The following DTD1 variants were observed in gnomAD, a reference collection of about 807,000 sequenced individuals.
The protein encoded by DTD1 is D-aminoacyl-tRNA deacylase 1.
A neutral mutation model predicts 25.6 loss-of-function variants in DTD1; 13 were observed. That is an observed-to-expected ratio of 0.51 (90% CI 0.33 to 0.81). DTD1 has a LOEUF of 0.81. Ranked by LOEUF, DTD1 falls within the 30% of genes least tolerant of loss-of-function variation. The pLI, the probability that DTD1 is intolerant of heterozygous loss-of-function variation, is 0.02. For missense variants in DTD1, 193 were observed against 266.4 expected, an observed-to-expected ratio of 0.72 and a Z score of 1.92; for synonymous variants, 110 against 103.6, an observed-to-expected ratio of 1.06 and a Z score of -0.37.
intron 4 of DTD1, among the ~76,000 whole-genome samples, chr20:18,689,208 C>T (rs1262028837): frequency 3.3e-5 from 5 of 152,122 alleles, no homozygotes; most frequent in Non-Finnish European, 7.3e-5. Context: ...AGTCTGAGGC[C>T]AGAGTTGCCT....
At position 18,631,333 on chromosome 20, in the gene DTD1, C is replaced by G. The variant is rs2060786877; in HGVS notation, c.477+3100C>G. ...TAGAGCATAAAACGAAAGGTGGGGC[C>G]CCTCTGAAGATGGGGCCTGTGTGAC... On this transcript the variant is annotated intron_variant, in intron 4 of 5. Coordinates refer to ENST00000377452, the MANE Select transcript of DTD1 (RefSeq NM_080820.6). 5 of 985,220 alleles carry G rather than the reference C, an allele frequency of 5.1e-6. No individual in the cohort carries two copies. The Admixed American group carries it at 3.1e-4, about 61-fold the overall frequency. 61.0% of individuals were successfully genotyped at this position (985,220 alleles called of 1,614,324 possible).
At chr20:18,634,114 TTATTA>T (rs1176275863) in intron 4 of DTD1, among the ~76,000 whole-genome samples, 1 of 152,248 alleles carries the variant, frequency 6.6e-6, no homozygotes, top group Non-Finnish European at 1.5e-5. Context: ...ATCCTGCTTA[TTATTA>T]CCTAGTGCAT....
intron 4 of DTD1, among the ~76,000 whole-genome samples, chr20:18,629,922 G>T (rs2060777458): frequency 6.6e-6 from 1 of 151,936 alleles, no homozygotes; most frequent in African/African-American, 2.4e-5. Flanking sequence ...CAGCAAGGGG[G>T]AAGTCTACCC....
chr20:18,611,642 G>T (rs1420050589), intron 3 of DTD1, among the ~76,000 whole-genome samples: 1 of 152,080 alleles, frequency 6.6e-6, no homozygotes, highest in East Asian at 1.9e-4. Flanking sequence ...CACCCATGCG[G>T]TTAGGGACAT....
At chr20:18,702,973 G>A (rs6045564) in intron 4 of DTD1, among the ~76,000 whole-genome samples, 150,050 of 152,278 alleles carry the variant, frequency 0.99, 73,946 homozygotes, top group East Asian at 1. Flanking sequence ...TCCTTTCACT[G>A]TCCTGCTGGG....
chr20:18,736,882 G>C (rs1024237157), intron 4 of DTD1, among the ~76,000 whole-genome samples: 1 of 152,028 alleles, frequency 6.6e-6, no homozygotes, highest in African/African-American at 2.4e-5. Context: ...AACCTGTCCT[G>C]TCCATTCATT....
chr20:18,649,326 CTTTTTTTTTTTTTTTTT>C (rs55766733), intron 4 of DTD1, among the ~76,000 whole-genome samples: 3 of 57,628 alleles, frequency 5.2e-5, no homozygotes, highest in Non-Finnish European at 9.3e-5. Context: ...ATTCATCTTT[CTTTTTTTTTTTTTTTTT>C]TTTTTTTTTT....
chr20:18,619,827 T>C (rs999939367), intron 3 of DTD1, among the ~76,000 whole-genome samples: 1 of 152,222 alleles, frequency 6.6e-6, no homozygotes, highest in Non-Finnish European at 1.5e-5. Context: ...CTTATCTTTT[T>C]CTTCAGGTAT....
chr20:18,729,044 C>T (rs541741217), intron 4 of DTD1, among the ~76,000 whole-genome samples: 4 of 152,244 alleles, frequency 2.6e-5, no homozygotes, highest in Non-Finnish European at 5.9e-5. Flanking sequence ...CACTCTGTTG[C>T]CCAGGCTAGA....
At chr20:18,606,016 G>A (rs1302790926) in intron 3 of DTD1, among the ~76,000 whole-genome samples, 15 of 142,120 alleles carry the variant, frequency 1.1e-4, no homozygotes, top group African/African-American at 3.7e-4. Context: ...GAAAATTTTC[G>A]CAACCTACTC....
chr20:18,701,025 A>C (rs1306991562), intron 4 of DTD1, among the ~76,000 whole-genome samples: 2 of 152,230 alleles, frequency 1.3e-5, no homozygotes, highest in Non-Finnish European at 2.9e-5. Context: ...ACTAAAGCAC[A>C]TGTTAACTGA....
intron 4 of DTD1, among the ~76,000 whole-genome samples, chr20:18,649,347 T>TTTTTTTTTTTTTTTTTG (rs2060864620): frequency 8.2e-6 from 1 of 122,160 alleles, no homozygotes; most frequent in Non-Finnish European, 1.8e-5. Flanking sequence ...TTTTTTTTTT[T>TTTTTTTTTTTTTTTTTG]TTTTTTTTTG....
At chr20:18,726,216 T>G (rs2061221939) in intron 4 of DTD1, among the ~76,000 whole-genome samples, 1 of 152,206 alleles carries the variant, frequency 6.6e-6, no homozygotes, top group South Asian at 2.1e-4. Context: ...AATGCAAGCA[T>G]TTATCTTGAT....
chr20:18,762,069 T>G (rs1184125798), intron 5 of DTD1, among the ~76,000 whole-genome samples: 1 of 152,310 alleles, frequency 6.6e-6, no homozygotes. Context: ...CTTGCCTTTC[T>G]CATGTGTGCA....
At chr20:18,653,204 A>G (rs1483748296) in intron 4 of DTD1, among the ~76,000 whole-genome samples, 1 of 152,164 alleles carries the variant, frequency 6.6e-6, no homozygotes, top group Non-Finnish European at 1.5e-5. Flanking sequence ...GAGTTTGAGA[A>G]GAGCCTGGGC....
At chr20:18,704,606 A>G (rs901521346) in intron 4 of DTD1, among the ~76,000 whole-genome samples, 7 of 152,098 alleles carry the variant, frequency 4.6e-5, no homozygotes. Flanking sequence ...GTTCGCACCC[A>G]TTTTGCACCT....
intron 4 of DTD1, among the ~76,000 whole-genome samples, chr20:18,652,902 G>T (rs1362578786): frequency 6.6e-6 from 1 of 152,200 alleles, no homozygotes; most frequent in Non-Finnish European, 1.5e-5. Flanking sequence ...AATGATGGAT[G>T]CTTTCATGTC....
At chr20:18,626,079 C>A (rs1324018264) in intron 3 of DTD1, among the ~76,000 whole-genome samples, 7 of 152,216 alleles carry the variant, frequency 4.6e-5, no homozygotes, top group African/African-American at 1.7e-4. Flanking sequence ...CCCATCCCTG[C>A]AATTTGCGCA....
At chr20:18,599,309 G>A (rs745521537) in intron 3 of DTD1, among the ~76,000 whole-genome samples, 2 of 152,000 alleles carry the variant, frequency 1.3e-5, no homozygotes, top group Non-Finnish European at 2.9e-5. Context: ...CGAGTAGCTG[G>A]GATTACAGGT....
Sources: gnomAD v4.1 joint callset for allele counts (sites outside exome capture counted in the v4.1 genomes callset) on GRCh38, gnomAD v4.1.1 for gene constraint, MANE v1.5 for transcripts, NCBI Gene and HGNC (gene_info 2026-07-23, HGNC 2026-07-21) for gene names.